ADAM22: variants seen among roughly 807,000 people sequenced by gnomAD.
ADAM22 encodes the protein ADAM metallopeptidase domain 22.
In ADAM22, 65 loss-of-function variants were observed where a neutral mutation model predicts 144.6. The observed-to-expected ratio is 0.45, with a 90% CI of 0.37 to 0.55. ADAM22 has a LOEUF of 0.55. Ranked by LOEUF, ADAM22 falls within the 20% of genes least tolerant of loss-of-function variation. The probability of loss-of-function intolerance (pLI) is 0.00; values close to 1 mark genes in which losing one functional copy is unlikely to be tolerated. For missense variants in ADAM22, 974 were observed against 1,184.9 expected (o/e 0.82, Z 2.61); for synonymous variants, 391 against 412.6 (o/e 0.95, Z 0.63).
chr7:88,197,523 A>C lies in ADAM22; in HGVS notation c.*1032A>C, dbSNP rs529756804. ...AGCCCCTCAGCAGTGTGTGCTGCTG[A>C]GATTAAGCAAGTGCACCAAAGACAC... is the stretch of plus-strand genomic sequence containing the variant. On this transcript the variant is annotated 3_prime_UTR_variant, in exon 32 of 32. Coordinates refer to ENST00000413139, the MANE Select transcript of ADAM22 (RefSeq NM_001324418.2). 1 of 152,244 alleles carries C rather than the reference A, an allele frequency of 6.6e-6. No individual in the cohort carries two copies. The highest frequency in any genetic ancestry group is 1.9e-4 in the East Asian group (1 of 5,180). 9.4% of individuals were successfully genotyped at this position (152,244 alleles called of 1,614,324 possible).
At chr7:88,143,717 G>C (rs970178868) in intron 15 of ADAM22, among the ~76,000 whole-genome samples, 1 of 152,204 alleles carries the variant, frequency 6.6e-6, no homozygotes, top group South Asian at 2.1e-4. Context: ...TGTTAAAAAA[G>C]AATGCTTTGT....
At chr7:88,160,873 C>A (rs2129529053) in intron 22 of ADAM22, among the ~76,000 whole-genome samples, 2 of 152,106 alleles carry the variant, frequency 1.3e-5, no homozygotes, top group East Asian at 3.9e-4. Context: ...GGACAAAAAC[C>A]AAACACCGTG....
At chr7:87,972,255 G>T (rs1355517600) in intron 2 of ADAM22, among the ~76,000 whole-genome samples, 1 of 152,086 alleles carries the variant, frequency 6.6e-6, no homozygotes, top group Non-Finnish European at 1.5e-5. Flanking sequence ...CAAAATCAAT[G>T]TACAAAAATC....
chr7:87,998,228 C>A (rs1457486059), intron 3 of ADAM22, among the ~76,000 whole-genome samples: 2 of 152,076 alleles, frequency 1.3e-5, no homozygotes, highest in Non-Finnish European at 2.9e-5. Context: ...TCTGCCTCTC[C>A]CGGTCCACTG....
Position 88,143,099 on chromosome 7 carries a change from G to T in ADAM22, c.1294G>T (p.Ala432Ser), listed in dbSNP as rs1835277415. 1 of 1,612,262 alleles carries T rather than the reference G, an allele frequency of 6.2e-7. No homozygotes were observed. Among genetic ancestry groups the T allele is most frequent in the African/African-American group, 1.3e-5 (1 of 74,864 alleles). Residue 432 changes from alanine to serine, a missense_variant, in exon 15 of 32, where the codon GCC becomes TCC. Around this residue, in one of 2 missense-constraint regions of ADAM22, gnomAD observed 734 missense variants for 950.6 expected, o/e 0.77. Coordinates refer to ENST00000413139, the MANE Select transcript of ADAM22 (RefSeq NM_001324418.2). The stretch of plus-strand genomic sequence containing the variant: ...TGACTTCCTGAATAGTGGAGGTGGT[G>T]CCTGCCTTTTCAACAAACCTTCTAA... ...YHDFLNSGGG[A>S]CLFNKPSKLL...
At chr7:87,977,216 T>C (rs1301302974) in intron 2 of ADAM22, among the ~76,000 whole-genome samples, 2 of 152,164 alleles carry the variant, frequency 1.3e-5, no homozygotes, top group African/African-American at 2.4e-5. Flanking sequence ...AGAAGAATTA[T>C]CCTTTCTTTC....
intron 3 of ADAM22, among the ~76,000 whole-genome samples, chr7:88,040,100 GT>G (rs1802731905): frequency 6.6e-6 from 1 of 151,522 alleles, no homozygotes; most frequent in Non-Finnish European, 1.5e-5. Flanking sequence ...CAGGATTTCA[GT>G]TATCACTTCA....
intron 21 of ADAM22, among the ~76,000 whole-genome samples, chr7:88,155,098 T>C (rs961555218): frequency 6.6e-6 from 1 of 152,172 alleles, no homozygotes; most frequent in African/African-American, 2.4e-5. Flanking sequence ...GAAAGGATAA[T>C]GAGCCTTTGT....
At chr7:88,008,193 C>G (rs565213448) in intron 3 of ADAM22, among the ~76,000 whole-genome samples, 1 of 151,104 alleles carries the variant, frequency 6.6e-6, no homozygotes, top group Admixed American at 6.6e-5. Flanking sequence ...ATCAAAACCA[C>G]AATGAGATAC....
At chr7:88,182,574 T>G (rs960560616) in intron 29 of ADAM22, among the ~76,000 whole-genome samples, 3 of 152,222 alleles carry the variant, frequency 2.0e-5, no homozygotes, top group African/African-American at 7.2e-5. Context: ...AAACTTGCTC[T>G]TTAACTGAAT....
At chr7:88,008,696 A>G (rs1448260465) in intron 3 of ADAM22, among the ~76,000 whole-genome samples, 1 of 151,990 alleles carries the variant, frequency 6.6e-6, no homozygotes, top group African/African-American at 2.4e-5. Flanking sequence ...TGGGAATTGA[A>G]CAATGAGAAC....
At chr7:88,156,832 A>G (rs917974198) in intron 22 of ADAM22, among the ~76,000 whole-genome samples, 5 of 152,056 alleles carry the variant, frequency 3.3e-5, no homozygotes, top group Non-Finnish European at 5.9e-5. Flanking sequence ...CCTCAGTGGT[A>G]CCGATTTCCA....
chr7:87,964,469 GC>G (rs1293456525), intron 2 of ADAM22, among the ~76,000 whole-genome samples: 1 of 151,992 alleles, frequency 6.6e-6, no homozygotes, highest in Non-Finnish European at 1.5e-5. Flanking sequence ...TATCACAGGG[GC>G]TAATAGTGAC....
In ADAM22 at chr7:87,957,708, G is replaced by A. The variant is rs529779163; in HGVS notation, c.247-20628G>A. On this transcript the variant is annotated intron_variant, in intron 2 of 31. Coordinates refer to ENST00000413139, the MANE Select transcript of ADAM22 (RefSeq NM_001324418.2). ...CAATTCTCCTGCCTCTCAGCCTCCC[G>A]AGTAGCTGGGATTACAGGTGCGCAC... Among the ~76,000 whole-genome samples, 3 of 152,064 alleles carry A rather than the reference G, an allele frequency of 2.0e-5. No homozygotes were observed. In the South Asian group the frequency reaches 6.2e-4, roughly 32 times the overall value.
chr7:87,959,444 G>A (rs1039387307), intron 2 of ADAM22, among the ~76,000 whole-genome samples: 12 of 151,864 alleles, frequency 7.9e-5, no homozygotes, highest in African/African-American at 2.4e-4. Context: ...TATGCAAATC[G>A]CTGGATTTCT....
chr7:88,132,816 A>G (rs1282075597), intron 11 of ADAM22, 51 bp from the exon 12 acceptor site: 8 of 1,430,594 alleles, frequency 5.6e-6, no homozygotes, highest in Non-Finnish European at 7.9e-6. Flanking sequence ...GAGGGGTGCT[A>G]TGATGTTTGA....
In ADAM22 at chr7:88,168,798, C is replaced by T. The variant is rs557366864; in HGVS notation, c.2282+571C>T. ...CAACTTAAAATCATATTCTGCTGAT[C>T]CTTGATGATGATGTTCCAGTCCACA... On this transcript the variant is annotated intron_variant, in intron 25 of 31. Coordinates refer to ENST00000413139, the MANE Select transcript of ADAM22 (RefSeq NM_001324418.2). Among the ~76,000 whole-genome samples the T allele has an allele frequency of 1.7e-3, 253 of 152,174 alleles. 1 individual carries two copies. The highest frequency in any genetic ancestry group is 5.8e-3 in the African/African-American group (242 of 41,522).
intron 3 of ADAM22, among the ~76,000 whole-genome samples, chr7:88,007,042 A>G (rs1794061424): frequency 6.6e-6 from 1 of 152,226 alleles, no homozygotes; most frequent in South Asian, 2.1e-4. Context: ...TTGTTAAGCA[A>G]CTTCAGCAAA....
chr7:88,032,484 T>G lies in ADAM22; in HGVS notation c.324-43142T>G, dbSNP rs924867573. On this transcript the variant is annotated intron_variant, in intron 3 of 31. Transcript: ENST00000413139. ...TGTGTTTTGGAAGTGACTATCTTGT[T>G]TTTGATTTTACAGGCTCATAGGTGG... Among the ~76,000 whole-genome samples the G allele has an allele frequency of 3.3e-5, 5 of 152,338 alleles. 1 individual carries two copies. In the Middle Eastern group the frequency reaches 0.01, roughly 311 times the overall value.
Sources: gnomAD v4.1 joint callset for allele counts (sites outside exome capture counted in the v4.1 genomes callset) on GRCh38, gnomAD v4.1.1 for gene constraint, gnomAD v4.1.1 regional missense constraint, MANE v1.5 for transcripts, NCBI Gene and HGNC (gene_info 2026-07-23, HGNC 2026-07-21) for gene names.